The following FFAR3 variants were observed in gnomAD, a reference collection of about 807,000 sequenced individuals.
FFAR3 encodes G-protein coupled receptor 41.
For synonymous variants in FFAR3, 68 were observed against 201.1 expected, an observed-to-expected ratio of 0.34 and a Z score of 5.60; for missense variants, 136 against 446.5, an observed-to-expected ratio of 0.30 and a Z score of 6.27.
rs2145699209 is a variant in FFAR3, at chr19:35,360,116, C to CCA, written c.*191_*192dup. The CCA allele has an allele frequency of 1.8e-6, 1 of 563,362 alleles. No homozygotes were observed. The allele number at this position is 563,362 out of a possible 1,614,324, so 34.9% of individuals were successfully genotyped here. On this transcript the variant is annotated 3_prime_UTR_variant, in exon 2 of 2. Transcript: ENST00000327809. ...CGATCTCACCTCCATCCCCATCCAC[C>CCA]CACACACTATGGATTGGGCTCTGGG...
chr19:35,359,894 G>A lies in FFAR3; in HGVS notation c.1004G>A (p.Cys335Tyr), dbSNP rs371266947. 618 of 1,577,848 alleles carry A rather than the reference G, an allele frequency of 3.9e-4. 3 individuals carry two copies. The highest frequency in any genetic ancestry group is 4.9e-4 in the Non-Finnish European group (575 of 1,161,962). The stretch of plus-strand genomic sequence containing the variant: ...AAGACCAGTGAACACTCACAGGGCT[G>A]TGGAACTGGTGGCCAGGTGGCCTGT... Reference protein sequence around the residue: ...ERKTSEHSQGCGTGGQVACAE... With the variant: ...ERKTSEHSQGYGTGGQVACAE... The change falls in exon 2 of 2, where the codon TGT (cysteine) becomes TAT (tyrosine). Residue 335 changes from cysteine (C) to tyrosine (Y), a missense_variant. Transcript: ENST00000327809.
chr19:35,358,754 C>T lies in FFAR3; in HGVS notation c.-12+105C>T, dbSNP rs1196028248. On this transcript the variant is annotated intron_variant, in intron 1 of 1. Coordinates refer to ENST00000327809, the MANE Select transcript of FFAR3 (RefSeq NM_005304.5). The stretch of plus-strand genomic sequence containing the variant: ...CTCAGGAAGACAGGCAGGCTGACCC[C>T]GCCTGGAAGGCACCCAGAGACAAGA... The T allele has an allele frequency of 4.1e-5, 44 of 1,060,894 alleles. 1 individual carries two copies. The highest frequency in any genetic ancestry group is 6.1e-4 in the Middle Eastern group (2 of 3,274). 65.7% of individuals were successfully genotyped at this position (1,060,894 alleles called of 1,614,324 possible). A position where few individuals can be genotyped will look rare whatever the true frequency, so the allele number is the denominator to read the frequency against.
At chr19:35,358,314 TACAA>T, upstream of FFAR3, 1 of 270,374 alleles carries the variant, frequency 3.7e-6, no homozygotes, top group Non-Finnish European at 6.0e-6. Context: ...TTCCTGCCCT[TACAA>T]GGCAAATTGG....
upstream of FFAR3, chr19:35,358,283 C>T (rs2066973282): frequency 6.1e-6 from 1 of 165,076 alleles, no homozygotes; most frequent in Non-Finnish European, 1.3e-5. Context: ...ACGGAGCTCG[C>T]TCTCTGTCAT....
Position 35,359,570 on chromosome 19 carries a change from T to A in FFAR3, c.680T>A (p.Leu227Ter). 6.2e-7 allele frequency: 1 copy of A among 1,614,024 alleles called. No individual in the cohort carries two copies. ...HRRQRRVAGL[L>*]AATLLNFLVC... ...CGGCAGAGGAGGGTGGCGGGGCTGT[T>A]GGCGGCCACGCTGCTCAACTTCCTT... The change falls in exon 2 of 2, where the codon TTG becomes TAG. Residue 227 changes from leucine to a stop codon, truncating the protein, a stop_gained. Transcript: ENST00000327809. LOFTEE classifies it low-confidence loss of function (END_TRUNC).
rs2066986624 is a variant in FFAR3 at position 35,359,962 on chromosome 19, T to A, written c.*31T>A. 1 of 1,005,032 alleles carries A rather than the reference T, an allele frequency of 9.9e-7. No homozygotes were observed. Among genetic ancestry groups the A allele is most frequent in the Non-Finnish European group, 1.4e-6 (1 of 700,390 alleles). The allele number at this position is 1,005,032 out of a possible 1,614,324, so 62.3% of individuals were successfully genotyped here. A position where few individuals can be genotyped will look rare whatever the true frequency, so the allele number is the denominator to read the frequency against. On this transcript the variant is annotated 3_prime_UTR_variant, in exon 2 of 2. Coordinates refer to ENST00000327809, the MANE Select transcript of FFAR3 (RefSeq NM_005304.5). ...CCGGGGGAGGAGGGTGTAGCTGGCA[T>A]GTCATCCTCAGGGCGCTTCCTCGCT...
rs138338117 is a variant in FFAR3, at chr19:35,359,444, G to A, written c.554G>A (p.Arg185Gln). The A allele has an allele frequency of 5.4e-5, 87 of 1,613,858 alleles. No homozygotes were observed. The African/African-American group carries it at 8.0e-4, about 15-fold the overall frequency. The change falls in exon 2 of 2, where the codon CGG becomes CAG. Residue 185 changes from arginine (R) to glutamine (Q), a missense_variant. Physicochemically the swap from Arg to Gln is conservative, Grantham distance 43. Transcript: ENST00000327809. ...CAGCTAGCCATCCTCCTGCCCGTGCGGCTGGAGATGGCTGTGGTCCTCTTT... is the reference window on the plus strand; with the variant it reads ...CAGCTAGCCATCCTCCTGCCCGTGCAGCTGGAGATGGCTGTGGTCCTCTTT... ...KDQLAILLPV[R>Q]LEMAVVLFVV...
rs2066974066 is a variant in FFAR3, at chr19:35,358,460, C to T, written c.-201C>T. 1 of 1,114,218 alleles carries T rather than the reference C, an allele frequency of 9.0e-7. No individual in the cohort carries two copies. The highest frequency in any genetic ancestry group is 1.1e-6 in the Non-Finnish European group (1 of 908,454). 69.0% of individuals were successfully genotyped at this position (1,114,218 alleles called of 1,614,324 possible). A position where few individuals can be genotyped will look rare whatever the true frequency, so the allele number is the denominator to read the frequency against. On this transcript the variant is annotated 5_prime_UTR_variant, in exon 1 of 2. Coordinates refer to ENST00000327809, the MANE Select transcript of FFAR3 (RefSeq NM_005304.5). The stretch of plus-strand genomic sequence containing the variant: ...GAGGCACGCAGTTGTGGAATTTGTT[C>T]CCCTTTTAGCATGCTGACCAGCCCT...
upstream of FFAR3, chr19:35,358,342 T>C (rs1442152488): frequency 6.7e-6 from 3 of 445,648 alleles, no homozygotes; most frequent in African/African-American, 2.1e-5. Context: ...AATGCCATTC[T>C]AGAGAAGCAG....
chr19:35,359,523 C>G lies in FFAR3; in HGVS notation c.633C>G (p.Leu211=). 6.2e-7 allele frequency: 1 copy of G among 1,613,676 alleles called. No individual in the cohort carries two copies. The highest frequency in any genetic ancestry group is 8.5e-7 in the Non-Finnish European group (1 of 1,179,750). ...SYCYSRLVWI[L]GRGGSHRRQR... ...GCTACAGCCGCCTGGTGTGGATCCT[C>G]GGCAGAGGGGGCAGCCACCGCCGGC... The change falls in exon 2 of 2, where the codon CTC becomes CTG. Residue 211 remains leucine (L), a synonymous_variant. Transcript: ENST00000327809.
rs2066987132 is a variant in FFAR3, at chr19:35,360,066, G to T, written c.*135G>T. On this transcript the variant is annotated 3_prime_UTR_variant, in exon 2 of 2. Transcript: ENST00000327809. ...AGAGTAGACATCTAGCCTCCCTAAG[G>T]GTATGCGCGCTAAAGCCCAGCTCTC... is the stretch of plus-strand genomic sequence containing the variant. 1 of 574,720 alleles carries T rather than the reference G, an allele frequency of 1.7e-6. No individual in the cohort carries two copies. The highest frequency in any genetic ancestry group is 2.1e-5 in the African/African-American group (1 of 47,584). The allele number at this position is 574,720 out of a possible 1,614,324, so 35.6% of individuals were successfully genotyped here. A position where few individuals can be genotyped will look rare whatever the true frequency, so the allele number is the denominator to read the frequency against.
chr19:35,359,968 C>T lies in FFAR3; in HGVS notation c.*37C>T, dbSNP rs745564627. On this transcript the variant is annotated 3_prime_UTR_variant, in exon 2 of 2. Transcript: ENST00000327809. Reference sequence around the variant, plus strand: ...GAGGAGGGTGTAGCTGGCATGTCATCCTCAGGGCGCTTCCTCGCTCACGCC... The same window carrying T: ...GAGGAGGGTGTAGCTGGCATGTCATTCTCAGGGCGCTTCCTCGCTCACGCC... The T allele has an allele frequency of 1.8e-4, 182 of 987,030 alleles. 1 individual carries two copies. The highest frequency in any genetic ancestry group is 4.2e-5 in the African/African-American group (2 of 47,480). The allele number at this position is 987,030 out of a possible 1,614,324, so 61.1% of individuals were successfully genotyped here.
In FFAR3 at chr19:35,359,939, G is replaced by A. The variant is rs566718508; in HGVS notation, c.*8G>A. 2.4e-4 allele frequency: 348 copies of A among 1,460,382 alleles called. 9 individuals are homozygous for A. Among genetic ancestry groups the A allele is most frequent in the African/African-American group, 1.1e-3 (71 of 64,544 alleles). 90.5% of individuals were successfully genotyped at this position (1,460,382 alleles called of 1,614,324 possible). ...GCCTGTGCTGAAAGCTAGGTCCTCC[G>A]GGGGAGGAGGGTGTAGCTGGCATGT... On this transcript the variant is annotated 3_prime_UTR_variant, in exon 2 of 2. Coordinates refer to ENST00000327809, the MANE Select transcript of FFAR3 (RefSeq NM_005304.5).
At position 35,359,246 on chromosome 19, in the gene FFAR3, A is replaced by AC. The variant is rs1254857528; in HGVS notation, c.359dup (p.Leu121ThrfsTer133). 6.3e-7 allele frequency: 1 copy of AC among 1,583,020 alleles called. No individual in the cohort carries two copies. Among genetic ancestry groups the AC allele is most frequent in the African/African-American group, 1.3e-5 (1 of 74,474 alleles). ...ATTGAACGCTTCCTGAGTGTGGCCC[A>AC]CCCACTGTGGTACAAGACCCGGCCG... On this transcript the variant is annotated frameshift_variant, in exon 2 of 2. Coordinates refer to ENST00000327809, the MANE Select transcript of FFAR3 (RefSeq NM_005304.5). LOFTEE classifies it low-confidence loss of function (END_TRUNC).
Position 35,359,984 on chromosome 19 carries a change from C to T in FFAR3, c.*53C>T. 7.7e-6 allele frequency: 7 copies of T among 911,504 alleles called. No homozygotes were observed. In the Admixed American group the frequency reaches 1.0e-4, roughly 13 times the overall value. The allele number at this position is 911,504 out of a possible 1,614,324, so 56.5% of individuals were successfully genotyped here. On this transcript the variant is annotated 3_prime_UTR_variant, in exon 2 of 2. Coordinates refer to ENST00000327809, the MANE Select transcript of FFAR3 (RefSeq NM_005304.5). ...GCATGTCATCCTCAGGGCGCTTCCT[C>T]GCTCACGCCAGGAGGGACTTGGAGT...
Position 35,359,610 on chromosome 19 carries a change from C to G in FFAR3, c.720C>G (p.Pro240=), listed in dbSNP as rs2066983477. Reference sequence around the variant, plus strand: ...TCAACTTCCTTGTCTGCTTTGGGCCCTACAACGTGTCCCATGTCGTGGGCT... The same window carrying G: ...TCAACTTCCTTGTCTGCTTTGGGCCGTACAACGTGTCCCATGTCGTGGGCT... ...TLLNFLVCFG[P]YNVSHVVGYI... Residue 240 remains proline (P), a synonymous_variant, in exon 2 of 2, where the codon CCC becomes CCG. Coordinates refer to ENST00000327809, the MANE Select transcript of FFAR3 (RefSeq NM_005304.5). 6.2e-7 allele frequency: 1 copy of G among 1,614,088 alleles called. No homozygotes were observed. The highest frequency in any genetic ancestry group is 8.5e-7 in the Non-Finnish European group (1 of 1,179,884).
rs370889815 is a variant in FFAR3 at position 35,359,950 on chromosome 19, G to T, written c.*19G>T. On this transcript the variant is annotated 3_prime_UTR_variant, in exon 2 of 2. Coordinates refer to ENST00000327809, the MANE Select transcript of FFAR3 (RefSeq NM_005304.5). ...AAGCTAGGTCCTCCGGGGGAGGAGG[G>T]TGTAGCTGGCATGTCATCCTCAGGG... The T allele has an allele frequency of 2.8e-4, 317 of 1,150,236 alleles. 6 individuals carry two copies. The African/African-American group carries it at 5.1e-3, about 19-fold the overall frequency. The allele number at this position is 1,150,236 out of a possible 1,614,324, so 71.3% of individuals were successfully genotyped here.
In FFAR3 at chr19:35,359,932, G is replaced by A. The variant is rs1435271077; in HGVS notation, c.*1G>A. 17 of 1,532,056 alleles carry A rather than the reference G, an allele frequency of 1.1e-5. 1 individual carries two copies. In the Admixed American group the frequency reaches 1.6e-4, roughly 14 times the overall value. 94.9% of individuals were successfully genotyped at this position (1,532,056 alleles called of 1,614,324 possible). A position where few individuals can be genotyped will look rare whatever the true frequency, so the allele number is the denominator to read the frequency against. On this transcript the variant is annotated 3_prime_UTR_variant, in exon 2 of 2. Transcript: ENST00000327809. ...CCAGGTGGCCTGTGCTGAAAGCTAG[G>A]TCCTCCGGGGGAGGAGGGTGTAGCT...
chr19:35,359,355 C>A lies in FFAR3; in HGVS notation c.465C>A (p.Phe155Leu), dbSNP rs550729747. 2 of 1,613,766 alleles carry A rather than the reference C, an allele frequency of 1.2e-6. No homozygotes were observed. Among genetic ancestry groups the A allele is most frequent in the Admixed American group, 1.7e-5 (1 of 60,000 alleles). The change falls in exon 2 of 2, where the codon TTC becomes TTA. Residue 155 changes from phenylalanine (F) to leucine (L), a missense_variant. Coordinates refer to ENST00000327809, the MANE Select transcript of FFAR3 (RefSeq NM_005304.5). ...AHCSVVYVIE[F>L]SGDISHSQGT... ...GCAGCGTGGTCTACGTCATAGAATT[C>A]TCAGGGGACATCTCCCACAGCCAGG...
Sources: gnomAD v4.1 joint callset for allele counts on GRCh38, gnomAD v4.1.1 for gene constraint, MANE v1.5 for transcripts, NCBI Gene and HGNC (gene_info 2026-07-23, HGNC 2026-07-21) for gene names.